ADGRG7: variants seen among roughly 807,000 people sequenced by gnomAD.
The protein encoded by ADGRG7 is G-protein coupled receptor 128.
ADGRG7 carries 82 observed loss-of-function variants against 88.6 expected under a neutral mutation model. That is an observed-to-expected ratio of 0.93 (90% CI 0.77 to 1.11). The LOEUF (loss-of-function observed/expected upper bound fraction) is 1.11. Ranked by LOEUF, ADGRG7 falls within the 50% of genes most tolerant of loss-of-function variation. ADGRG7 has a pLI of 0.00. For missense variants in ADGRG7, 945 were observed against 953.4 expected (o/e 0.99, Z 0.12); for synonymous variants, 381 against 345.2 (o/e 1.10, Z -1.15).
At chr3:100,655,679 A>G (rs1166187886) in intron 12 of ADGRG7, among the ~76,000 whole-genome samples, 1 of 152,232 alleles carries the variant, frequency 6.6e-6, no homozygotes, top group Non-Finnish European at 1.5e-5. Flanking sequence ...AACTGGAAAT[A>G]GGATTGATAT....
At chr3:100,635,607 T>C in intron 4 of ADGRG7, 70 bp from the exon 5 acceptor site, 1 of 1,557,382 alleles carries the variant, frequency 6.4e-7, no homozygotes, top group East Asian at 2.3e-5. Flanking sequence ...CTTATTTACC[T>C]GCAGTTGCTT....
chr3:100,611,318 TC>T (rs1305620386), intron 1 of ADGRG7, among the ~76,000 whole-genome samples: 1 of 151,618 alleles, frequency 6.6e-6, no homozygotes, highest in African/African-American at 2.4e-5. Context: ...TTTCCTTCCT[TC>T]CTTCCTTCCT....
chr3:100,677,579 C>T (rs1268867976), intron 15 of ADGRG7, among the ~76,000 whole-genome samples: 1 of 152,056 alleles, frequency 6.6e-6, no homozygotes, highest in Admixed American at 6.5e-5. Flanking sequence ...GATCGAAGAA[C>T]TCCTTTTAGC....
chr3:100,686,808 A>G (rs964546829), intron 15 of ADGRG7, among the ~76,000 whole-genome samples: 3 of 152,142 alleles, frequency 2.0e-5, no homozygotes, highest in South Asian at 2.1e-4. Flanking sequence ...GTCAGGTAGC[A>G]TGATGCCTCC....
chr3:100,683,460 GC>G (rs2094976824), intron 15 of ADGRG7, among the ~76,000 whole-genome samples: 1 of 152,242 alleles, frequency 6.6e-6, no homozygotes, highest in Admixed American at 6.5e-5. Context: ...CATGGAAGCT[GC>G]TTATGGTAGG....
At chr3:100,655,208 A>G (rs1481870521) in intron 12 of ADGRG7, 27 bp downstream of exon 12, 1 of 1,485,502 alleles carries the variant, frequency 6.7e-7, no homozygotes, top group African/African-American at 1.4e-5. Context: ...CCCCTTTCTC[A>G]GGAATTTAAT....
chr3:100,644,484 C>T (rs1488713113), intron 8 of ADGRG7, among the ~76,000 whole-genome samples: 1 of 151,992 alleles, frequency 6.6e-6, no homozygotes, highest in Middle Eastern at 3.2e-3. Context: ...TGAACAGTAC[C>T]TATGTAACTA....
chr3:100,640,996 A>C (rs1005763734), intron 6 of ADGRG7, among the ~76,000 whole-genome samples: 2 of 152,144 alleles, frequency 1.3e-5, no homozygotes, highest in Non-Finnish European at 2.9e-5. Context: ...TTTCTGTTCC[A>C]GCTAGCCTGG....
At chr3:100,690,482 T>TC (rs1247816226) in intron 15 of ADGRG7, among the ~76,000 whole-genome samples, 5 of 152,220 alleles carry the variant, frequency 3.3e-5, no homozygotes, top group Non-Finnish European at 7.3e-5. Context: ...CTCGGTTTTT[T>TC]CCCCATCTTT....
chr3:100,611,535 A>G (rs1707155359), intron 1 of ADGRG7, among the ~76,000 whole-genome samples: 2 of 152,226 alleles, frequency 1.3e-5, no homozygotes, highest in African/African-American at 4.8e-5. Flanking sequence ...GAAAATAAAT[A>G]CAAAATATAT....
chr3:100,645,667 C>T lies in ADGRG7; in HGVS notation c.947-278C>T, dbSNP rs561514506. On this transcript the variant is annotated intron_variant, in intron 8 of 15. Coordinates refer to ENST00000273352, the MANE Select transcript of ADGRG7 (RefSeq NM_032787.3). ...CTTTATATATGAGATCTTTGCAATA[C>T]CTTTTTGAGGTGGACTAGGCAGAAA... Among the ~76,000 whole-genome samples, 27 of 152,108 alleles carry T rather than the reference C, an allele frequency of 1.8e-4. No individual in the cohort carries two copies. In the South Asian group the frequency reaches 5.4e-3, roughly 30 times the overall value.
intron 14 of ADGRG7, 84 bp downstream of exon 14, chr3:100,659,927 A>G: frequency 7.5e-7 from 1 of 1,339,950 alleles, no homozygotes; most frequent in Non-Finnish European, 1.0e-6. Flanking sequence ...ACAGTTTCAG[A>G]AGCTTTCAAA....
intron 1 of ADGRG7, among the ~76,000 whole-genome samples, chr3:100,622,833 C>G (rs1457618670): frequency 3.3e-5 from 5 of 151,946 alleles, no homozygotes; most frequent in African/African-American, 4.8e-5. Flanking sequence ...ATGATCTTGG[C>G]TCACTGCAAC....
chr3:100,623,429 G>T (rs2149014261), intron 1 of ADGRG7, among the ~76,000 whole-genome samples: 1 of 152,086 alleles, frequency 6.6e-6, no homozygotes, highest in East Asian at 1.9e-4. Flanking sequence ...TGATGTATTT[G>T]TCTACCTTTA....
intron 15 of ADGRG7, among the ~76,000 whole-genome samples, chr3:100,688,909 C>T (rs954147824): frequency 5.9e-5 from 9 of 152,194 alleles, no homozygotes; most frequent in South Asian, 2.1e-4. Flanking sequence ...GGTGCAGAGC[C>T]GCGTTCAATT....
At chr3:100,624,971 A>T (rs973641335) in intron 1 of ADGRG7, among the ~76,000 whole-genome samples, 4 of 152,176 alleles carry the variant, frequency 2.6e-5, no homozygotes, top group Admixed American at 6.5e-5. Flanking sequence ...AGGTAGCATG[A>T]TGCCTCCAGC....
chr3:100,665,019 C>T, intron 14 of ADGRG7: 1 of 456,588 alleles, frequency 2.2e-6, no homozygotes. Context: ...TAGGGCAATA[C>T]ATAAATACTT....
At chr3:100,663,550 T>C (rs1456366920) in intron 14 of ADGRG7, among the ~76,000 whole-genome samples, 1 of 152,046 alleles carries the variant, frequency 6.6e-6, no homozygotes, top group East Asian at 1.9e-4. Flanking sequence ...TTTCTACTGC[T>C]TGCTGACTTC....
chr3:100,627,052 C>T (rs192363175), intron 1 of ADGRG7, among the ~76,000 whole-genome samples: 1 of 152,210 alleles, frequency 6.6e-6, no homozygotes, highest in East Asian at 1.9e-4. Flanking sequence ...CTTAATTTTA[C>T]ACTTTTGTTT....
Sources: allele counts gnomAD v4.1 joint callset (sites outside exome capture counted in the v4.1 genomes callset), GRCh38; gene constraint gnomAD v4.1.1; transcripts MANE v1.5; gene names NCBI Gene and HGNC (gene_info 2026-07-23, HGNC 2026-07-21).